The following RAB14 variants were observed in gnomAD, a reference collection of about 807,000 sequenced individuals.
RAB14 encodes ras-related protein Rab-14.
RAB14 carries 3 observed loss-of-function variants against 31.1 expected under a neutral mutation model. The observed-to-expected ratio is 0.10, with a 90% CI of 0.04 to 0.25. The LOEUF (loss-of-function observed/expected upper bound fraction) is 0.25. RAB14 is among the 10% of genes least tolerant of loss of function. RAB14 has a pLI of 1.00. For synonymous variants in RAB14, 85 were observed against 84.9 expected (o/e 1.00, Z 0.00); for missense variants, 111 against 260.1 (o/e 0.43, Z 3.94).
At chr9:121,183,010 A>G in intron 6 of RAB14, 50 bp from the exon 7 acceptor site, 10 of 1,529,508 alleles carry the variant, frequency 6.5e-6, no homozygotes, top group Non-Finnish European at 9.0e-6. Flanking sequence ...CTAACTCACA[A>G]GTGCACTTCT....
rs551102759 is a variant in RAB14 at position 121,199,075 on chromosome 9, C to A, written c.-8+2564G>T. On this transcript the variant is annotated intron_variant, in intron 1 of 7. Coordinates refer to ENST00000373840, the MANE Select transcript of RAB14 (RefSeq NM_016322.4). ...TTCTATATACAGGAAATAAAGTATT[C>A]TAATACTGGACCTCTGTTTACAGAA... is the stretch of plus-strand genomic sequence containing the variant. Among the ~76,000 whole-genome samples, 28 of 152,208 alleles carry A rather than the reference C, an allele frequency of 1.8e-4. 1 individual carries two copies. The South Asian group carries it at 5.8e-3, about 32-fold the overall frequency.
chr9:121,188,463 AATTT>A, intron 4 of RAB14, among the ~76,000 whole-genome samples: 1 of 151,746 alleles, frequency 6.6e-6, no homozygotes, highest in South Asian at 2.1e-4. Flanking sequence ...AATTGTTATT[AATTT>A]AATATTCACT....
At chr9:121,190,366 T>C (rs1206631894) in intron 4 of RAB14, among the ~76,000 whole-genome samples, 188 bp downstream of exon 4, 2 of 152,100 alleles carry the variant, frequency 1.3e-5, no homozygotes, top group Admixed American at 1.3e-4. Context: ...TCTTCAGTCA[T>C]AAAAACTTTT....
chr9:121,186,442 T>C (rs1588368183), intron 5 of RAB14, among the ~76,000 whole-genome samples: 2 of 151,788 alleles, frequency 1.3e-5, no homozygotes, highest in East Asian at 1.9e-4. Context: ...AAAATCTCAA[T>C]AAATATCATC....
chr9:121,194,793 G>T (rs2053706253), intron 1 of RAB14, among the ~76,000 whole-genome samples: 1 of 152,090 alleles, frequency 6.6e-6, no homozygotes, highest in African/African-American at 2.4e-5. Flanking sequence ...CCCGTAGAAA[G>T]AATATATATT....
intron 4 of RAB14, among the ~76,000 whole-genome samples, chr9:121,187,559 G>A (rs1326575459): frequency 6.6e-6 from 1 of 151,934 alleles, no homozygotes; most frequent in Non-Finnish European, 1.5e-5. Context: ...GCATAAAATT[G>A]ACTTTGAAGA....
intron 1 of RAB14, among the ~76,000 whole-genome samples, chr9:121,197,899 T>C (rs1353279857): frequency 6.6e-6 from 1 of 152,108 alleles, no homozygotes; most frequent in Non-Finnish European, 1.5e-5. Context: ...TACAAAATAA[T>C]ATCCATGTAG....
intron 1 of RAB14, among the ~76,000 whole-genome samples, chr9:121,201,420 A>T (rs1049170925): frequency 6.6e-6 from 1 of 151,974 alleles, no homozygotes; most frequent in African/African-American, 2.4e-5. Context: ...CTCAGGCCGG[A>T]GCCGCGCAGG....
At position 121,184,297 on chromosome 9, in the gene RAB14, C is replaced by T. The variant is rs190066787; in HGVS notation, c.352-899G>A. ...CAAATCCAAGGCAAAATATCACCCA[C>T]CAACCTATATCCACCTTGGAACCAT... On this transcript the variant is annotated intron_variant, in intron 5 of 7. Coordinates refer to ENST00000373840, the MANE Select transcript of RAB14 (RefSeq NM_016322.4). Among the ~76,000 whole-genome samples the T allele has an allele frequency of 1.4e-3, 210 of 152,282 alleles. 2 individuals are homozygous for T. The highest frequency in any genetic ancestry group is 4.6e-3 in the African/African-American group (193 of 41,534).
At chr9:121,194,954 C>G (rs1398415058) in intron 1 of RAB14, among the ~76,000 whole-genome samples, 1 of 152,158 alleles carries the variant, frequency 6.6e-6, no homozygotes, top group Non-Finnish European at 1.5e-5. Context: ...TTGGCATGTT[C>G]TAACACATTT....
intron 1 of RAB14, among the ~76,000 whole-genome samples, chr9:121,198,083 T>C (rs1016895227): frequency 6.6e-6 from 1 of 151,648 alleles, no homozygotes; most frequent in Non-Finnish European, 1.5e-5. Context: ...ACACACCAAA[T>C]TGTGAAAAAT....
intron 7 of RAB14, 64 bp from the exon 8 acceptor site, chr9:121,181,637 C>CT: frequency 7.4e-7 from 1 of 1,355,560 alleles, no homozygotes; most frequent in Non-Finnish European, 1.0e-6. Flanking sequence ...AGACACTGAC[C>CT]TTTTGCTAAT....
intron 4 of RAB14, among the ~76,000 whole-genome samples, chr9:121,189,374 G>C (rs1160457406): frequency 6.6e-6 from 1 of 152,108 alleles, no homozygotes; most frequent in Non-Finnish European, 1.5e-5. Context: ...GAAGTCTTCA[G>C]AAATGCATTC....
chr9:121,198,492 AT>A (rs1247432100), intron 1 of RAB14, among the ~76,000 whole-genome samples: 1 of 152,186 alleles, frequency 6.6e-6, no homozygotes, highest in Non-Finnish European at 1.5e-5. Flanking sequence ...TTACTGTATA[AT>A]TTTTACATAG....
intron 5 of RAB14, among the ~76,000 whole-genome samples, chr9:121,183,787 G>A (rs1009824762): frequency 2.6e-5 from 4 of 152,174 alleles, no homozygotes; most frequent in African/African-American, 9.7e-5. Context: ...GTGGCCCACA[G>A]GCCATACATA....
chr9:121,191,563 T>C (rs1300296111), intron 3 of RAB14, among the ~76,000 whole-genome samples: 1 of 152,098 alleles, frequency 6.6e-6, no homozygotes, highest in African/African-American at 2.4e-5. Flanking sequence ...AATTAACAAA[T>C]TTATTAGTCC....
chr9:121,200,305 C>G (rs527360545), intron 1 of RAB14, among the ~76,000 whole-genome samples: 8 of 152,280 alleles, frequency 5.3e-5, no homozygotes, highest in African/African-American at 1.9e-4. Context: ...AGTTTGTCTT[C>G]AACAATCAAA....
At position 121,179,889 on chromosome 9, in the gene RAB14, C is replaced by T. The variant is rs571615483; in HGVS notation, c.*1507G>A. The T allele has an allele frequency of 6.6e-6, 1 of 152,610 alleles. No individual in the cohort carries two copies. Among genetic ancestry groups the T allele is most frequent in the South Asian group, 2.1e-4 (1 of 4,822 alleles). 9.5% of individuals were successfully genotyped at this position (152,610 alleles called of 1,614,324 possible). A position where few individuals can be genotyped will look rare whatever the true frequency, so the allele number is the denominator to read the frequency against. On this transcript the variant is annotated 3_prime_UTR_variant, in exon 8 of 8. Transcript: ENST00000373840. ...TTTTCTATAGTACGCTGAGGTGTTACCTATTCTATTTCAAATAAATTCTCA... is the reference window on the plus strand; with the variant it reads ...TTTTCTATAGTACGCTGAGGTGTTATCTATTCTATTTCAAATAAATTCTCA...
chr9:121,199,462 C>A (rs1588373638), intron 1 of RAB14, among the ~76,000 whole-genome samples: 1 of 152,154 alleles, frequency 6.6e-6, no homozygotes, highest in African/African-American at 2.4e-5. Context: ...TTTTAAAAAA[C>A]ATGAAACATC....
Sources: gnomAD v4.1 joint callset for allele counts (sites outside exome capture counted in the v4.1 genomes callset) on GRCh38, gnomAD v4.1.1 for gene constraint, MANE v1.5 for transcripts, NCBI Gene and HGNC (gene_info 2026-07-23, HGNC 2026-07-21) for gene names.